The following DRC9 variants were observed in gnomAD, a reference collection of about 807,000 sequenced individuals.
The protein encoded by DRC9 is dynein regulatory complex protein 9.
chr3:197,931,925 G>A, the DRC9 span, among the ~76,000 whole-genome samples: 1 of 151,970 alleles, frequency 6.6e-6, no homozygotes, highest in South Asian at 2.1e-4. Context: ...GCGCCCGGCC[G>A]AATTCAATCT....
At chr3:197,924,105 C>G in the DRC9 span, among the ~76,000 whole-genome samples, 10 of 151,822 alleles carry the variant, frequency 6.6e-5, no homozygotes, top group Admixed American at 2.0e-4. Context: ...CCTGTAATCT[C>G]AACATTTTGG....
chr3:197,893,829 C>T, the DRC9 span, among the ~76,000 whole-genome samples: 1 of 151,702 alleles, frequency 6.6e-6, no homozygotes, highest in African/African-American at 2.4e-5. Context: ...GCCTGGGTGA[C>T]AGAGTGAGAC....
the DRC9 span, among the ~76,000 whole-genome samples, chr3:197,909,989 AAAAAC>A: frequency 6.6e-6 from 1 of 152,326 alleles, no homozygotes; most frequent in African/African-American, 2.4e-5. Flanking sequence ...GACTCCTCTC[AAAAAC>A]AAAACAAAAC....
At chr3:197,899,632 G>A in the DRC9 span, among the ~76,000 whole-genome samples, 16 of 151,836 alleles carry the variant, frequency 1.1e-4, no homozygotes, top group African/African-American at 3.9e-4. Context: ...ACAAAATAAG[G>A]GAGAGATAAG....
the DRC9 span, among the ~76,000 whole-genome samples, chr3:197,946,226 G>C: frequency 2.6e-4 from 39 of 152,100 alleles, no homozygotes; most frequent in African/African-American, 8.9e-4. Context: ...ACAAGGTCAG[G>C]AGATCGAGAC....
the DRC9 span, among the ~76,000 whole-genome samples, chr3:197,893,565 C>T: frequency 9.2e-5 from 14 of 151,616 alleles, no homozygotes; most frequent in Middle Eastern, 3.4e-3. Context: ...AATGTAGGGC[C>T]GGGCGCAGTG....
chr3:197,941,563 C>T, the DRC9 span, among the ~76,000 whole-genome samples: 59 of 115,110 alleles, frequency 5.1e-4, no homozygotes, highest in South Asian at 2.2e-3. Flanking sequence ...CCCTCCCTTC[C>T]TTCTTTCTTT....
the DRC9 span, among the ~76,000 whole-genome samples, chr3:197,898,607 T>A: frequency 6.6e-6 from 1 of 152,218 alleles, no homozygotes; most frequent in South Asian, 2.1e-4. Flanking sequence ...TTTAACTGAC[T>A]CACAGTTCAG....
the DRC9 span, chr3:197,913,676 G>C: frequency 1.6e-6 from 1 of 641,574 alleles, no homozygotes; most frequent in Non-Finnish European, 2.8e-6. Flanking sequence ...TGAGGCGGGA[G>C]ATGGAGGCTA....
chr3:197,954,319 T>G, the DRC9 span: 252 of 728,176 alleles, frequency 3.5e-4, no homozygotes, highest in East Asian at 6.5e-3. Flanking sequence ...AATTAGGTGT[T>G]TGGTTGTTTG....
the DRC9 span, among the ~76,000 whole-genome samples, chr3:197,946,956 G>C: frequency 1.3e-5 from 2 of 152,066 alleles, no homozygotes; most frequent in African/African-American, 4.8e-5. Context: ...CCGAGTAACT[G>C]GGATTACAGG....
chr3:197,909,557 C>A, the DRC9 span, among the ~76,000 whole-genome samples: 1 of 152,184 alleles, frequency 6.6e-6, no homozygotes, highest in Non-Finnish European at 1.5e-5. Context: ...GAATGGTTCA[C>A]TAAATTTCAG....
At chr3:197,940,881 C>T in the DRC9 span, among the ~76,000 whole-genome samples, 1 of 152,070 alleles carries the variant, frequency 6.6e-6, no homozygotes, top group Non-Finnish European at 1.5e-5. Context: ...AGTAAAATCA[C>T]AAGGAGGGTT....
the DRC9 span, among the ~76,000 whole-genome samples, chr3:197,939,851 A>G: frequency 8.6e-5 from 13 of 151,848 alleles, no homozygotes; most frequent in Admixed American, 7.2e-4. Flanking sequence ...TGAGTTCCCT[A>G]ACCACTATTC....
chr3:197,904,101 TATA>T, the DRC9 span, among the ~76,000 whole-genome samples: 2 of 45,836 alleles, frequency 4.4e-5, no homozygotes, highest in Non-Finnish European at 9.2e-5. Context: ...TATATATATA[TATA>T]TATATATTTT....
chr3:197,933,312 C>A, the DRC9 span, among the ~76,000 whole-genome samples: 1 of 150,692 alleles, frequency 6.6e-6, no homozygotes, highest in Non-Finnish European at 1.5e-5. Context: ...GTGGTGGTGC[C>A]CACCTGTAAT....
chr3:197,938,407 T>C, the DRC9 span: 6 of 668,346 alleles, frequency 9.0e-6, no homozygotes, highest in Admixed American at 2.5e-5. Flanking sequence ...AGGCAGTCTT[T>C]AGCTAATTCT....
chr3:197,895,936 T>C, the DRC9 span, among the ~76,000 whole-genome samples: 305 of 140,394 alleles, frequency 2.2e-3, no homozygotes, highest in African/African-American at 8.2e-3. Flanking sequence ...GATTGCACCA[T>C]TGCACTCCAG....
the DRC9 span, among the ~76,000 whole-genome samples, chr3:197,896,641 A>T: frequency 3.3e-5 from 5 of 152,190 alleles, no homozygotes; most frequent in African/African-American, 1.2e-4. Flanking sequence ...GGAAGTCCCA[A>T]ATGAAGGCAC....
Sources: gnomAD v4.1 joint callset for allele counts (sites outside exome capture counted in the v4.1 genomes callset) on GRCh38, gnomAD v4.1.1 for gene constraint, MANE v1.5 for transcripts, NCBI Gene and HGNC (gene_info 2026-07-23, HGNC 2026-07-21) for gene names.